The following IQSEC3 variants were observed in gnomAD, a reference collection of about 807,000 sequenced individuals.
The protein encoded by IQSEC3 is IQ motif and Sec7 domain ArfGEF 3.
In IQSEC3, 50 loss-of-function variants were observed where a neutral mutation model predicts 105.4. That is an observed-to-expected ratio of 0.47 (90% CI 0.38 to 0.60). IQSEC3 has a LOEUF of 0.60. IQSEC3 is among the 20% of genes least tolerant of loss of function. IQSEC3 has a pLI of 0.00. For synonymous variants in IQSEC3, 708 were observed against 746.0 expected, an observed-to-expected ratio of 0.95 and a Z score of 0.83; for missense variants, 1,415 against 1,630.0, an observed-to-expected ratio of 0.87 and a Z score of 2.27.
intron 1 of IQSEC3, among the ~76,000 whole-genome samples, chr12:71,483 A>C (rs531678687): frequency 5.4e-3 from 826 of 152,230 alleles, no homozygotes; most frequent in Middle Eastern, 0.01. Context: ...GCACAAGGTA[A>C]AAAGGGTGAG....
In IQSEC3 at chr12:87,926, G is replaced by T. The variant is rs12230910; in HGVS notation, c.555-11220G>T. Among the ~76,000 whole-genome samples the T allele has an allele frequency of 6.7e-4, 102 of 152,266 alleles. No individual in the cohort carries two copies. In the East Asian group the frequency reaches 0.015, roughly 22 times the overall value. ...TACAGTCCTTTAAAAAAGTTCTGTT[G>T]TATACGTGCGGTTAGGTAGGATTCC... On this transcript the variant is annotated intron_variant, in intron 1 of 13. Coordinates refer to ENST00000538872, the MANE Select transcript of IQSEC3 (RefSeq NM_001170738.2).
intron 11 of IQSEC3, chr12:166,382 CT>C (rs1370246880): frequency 2.6e-5 from 4 of 156,300 alleles, no homozygotes; most frequent in Non-Finnish European, 5.6e-5. Context: ...AGAGTCTAGG[CT>C]GCCTTCTTAC....
At position 104,195 on chromosome 12, in the gene IQSEC3, A is replaced by G. The variant is rs79648904; in HGVS notation, c.623+4981A>G. Among the ~76,000 whole-genome samples the G allele has an allele frequency of 4.3e-3, 651 of 152,294 alleles. 4 individuals carry two copies. Among genetic ancestry groups the G allele is most frequent in the East Asian group, 0.03 (156 of 5,188 alleles). On this transcript the variant is annotated intron_variant, in intron 2 of 13. Coordinates refer to ENST00000538872, the MANE Select transcript of IQSEC3 (RefSeq NM_001170738.2). Reference sequence around the variant, plus strand: ...ATTCCCATTTACAGATAAGGAATCCAGGATGGAGAGAAGTTAGGTATCTTG... The same window carrying G: ...ATTCCCATTTACAGATAAGGAATCCGGGATGGAGAGAAGTTAGGTATCTTG...
At chr12:99,278 G>A (rs937051774) in intron 2 of IQSEC3, 64 bp downstream of exon 2, 44 of 1,453,182 alleles carry the variant, frequency 3.0e-5, no homozygotes, top group Middle Eastern at 1.7e-4. Context: ...AACAAAGCAC[G>A]TACCACTGCA....
At chr12:124,349 A>G (rs1316015360) in intron 2 of IQSEC3, among the ~76,000 whole-genome samples, 1 of 144,560 alleles carries the variant, frequency 6.9e-6, no homozygotes, top group Non-Finnish European at 1.5e-5. Context: ...AGATCTCACC[A>G]TTGCACTCCA....
chr12:147,600 A>G (rs1866330723), intron 5 of IQSEC3, among the ~76,000 whole-genome samples: 1 of 152,096 alleles, frequency 6.6e-6, no homozygotes, highest in African/African-American at 2.4e-5. Flanking sequence ...TCAGTCCCCC[A>G]TCATGAATCA....
chr12:69,694 A>G (rs1555066990), intron 1 of IQSEC3, among the ~76,000 whole-genome samples: 1 of 152,270 alleles, frequency 6.6e-6, no homozygotes, highest in Non-Finnish European at 1.5e-5. Flanking sequence ...AAAACATGGT[A>G]ATCTTGGCTG....
At chr12:154,473 G>A (rs921648520) in intron 5 of IQSEC3, among the ~76,000 whole-genome samples, 7 of 152,102 alleles carry the variant, frequency 4.6e-5, no homozygotes, top group African/African-American at 9.7e-5. Flanking sequence ...GGACCTCAGC[G>A]TTCAGAAACA....
At chr12:70,567 G>A (rs1863274216) in intron 1 of IQSEC3, among the ~76,000 whole-genome samples, 1 of 152,244 alleles carries the variant, frequency 6.6e-6, no homozygotes, top group Non-Finnish European at 1.5e-5. Flanking sequence ...TTTCAATCAA[G>A]GCTCACGGCA....
intron 1 of IQSEC3, among the ~76,000 whole-genome samples, chr12:73,049 T>A (rs2093685): frequency 5.9e-5 from 8 of 135,670 alleles, no homozygotes; most frequent in African/African-American, 1.2e-4. Flanking sequence ...CTGCCTAAAA[T>A]ATAAATAAAT....
intron 13 of IQSEC3, among the ~76,000 whole-genome samples, chr12:173,106 G>C (rs1182068231): frequency 6.6e-6 from 1 of 152,204 alleles, no homozygotes; most frequent in Non-Finnish European, 1.5e-5. Flanking sequence ...ATACAAGCAG[G>C]AGGGGAGAGG....
chr12:74,491 C>A (rs1863442056), intron 1 of IQSEC3, among the ~76,000 whole-genome samples: 2 of 152,386 alleles, frequency 1.3e-5, no homozygotes, highest in Admixed American at 1.3e-4. Context: ...GGAGGGCAGA[C>A]TGTTTTGCTG....
In IQSEC3 at chr12:67,049, A is replaced by G. The variant is rs1274401682; in HGVS notation, c.167A>G (p.His56Arg). 6.5e-7 allele frequency: 1 copy of G among 1,531,690 alleles called. No individual in the cohort carries two copies. Among genetic ancestry groups the G allele is most frequent in the Admixed American group, 2.0e-5 (1 of 50,858 alleles). 94.9% of individuals were successfully genotyped at this position (1,531,690 alleles called of 1,614,324 possible). A position where few individuals can be genotyped will look rare whatever the true frequency, so the allele number is the denominator to read the frequency against. Residue 56 changes from histidine (H) to arginine (R), a missense_variant, in exon 1 of 14, where the codon CAC (histidine) becomes CGC (arginine). Around this residue, in one of 6 missense-constraint regions of IQSEC3, gnomAD observed 34 missense variants for 80.3 expected, o/e 0.42. Coordinates refer to ENST00000538872, the MANE Select transcript of IQSEC3 (RefSeq NM_001170738.2). ...LSAENRSLWE[H>R]QQLLQAQPPP... ...GCTGAGAACCGCAGCCTGTGGGAGC[A>G]CCAGCAGCTGCTGCAAGCCCAGCCT...
Position 140,058 on chromosome 12 carries a change from C to T in IQSEC3, c.1991+704C>T, listed in dbSNP as rs191186900. 5.9e-5 allele frequency among the ~76,000 whole-genome samples: 9 copies of T among 152,286 alleles called. No homozygotes were observed. The East Asian group carries it at 1.7e-3, about 29-fold the overall frequency. On this transcript the variant is annotated intron_variant, in intron 4 of 13. Transcript: ENST00000538872. The stretch of plus-strand genomic sequence containing the variant: ...GAGGCAGGCACTCGCCTCCATCCTC[C>T]ACTCGCCCCTTCATAACCCTGCGCC...
intron 1 of IQSEC3, among the ~76,000 whole-genome samples, chr12:75,348 T>G (rs1863475664): frequency 6.6e-6 from 1 of 152,186 alleles, no homozygotes; most frequent in African/African-American, 2.4e-5. Context: ...TGCAGAGAAT[T>G]GGAATTGCCT....
intron 2 of IQSEC3, among the ~76,000 whole-genome samples, chr12:120,239 G>A (rs980438644): frequency 3.9e-5 from 6 of 152,312 alleles, no homozygotes; most frequent in African/African-American, 1.2e-4. Context: ...GGAAGTGAGC[G>A]ATTCCTGAAA....
intron 1 of IQSEC3, among the ~76,000 whole-genome samples, chr12:72,125 C>T (rs1189901604): frequency 6.6e-6 from 1 of 152,288 alleles, no homozygotes; most frequent in Non-Finnish European, 1.5e-5. Flanking sequence ...CTCCCAATCT[C>T]TCCCCAGACC....
In IQSEC3 at chr12:67,428, G is replaced by A; in HGVS notation, c.546G>A (p.Arg182=). The change falls in exon 1 of 14, where the codon AGG becomes AGA. Residue 182 remains arginine, a synonymous_variant. Transcript: ENST00000538872. ...CCCTCGGCAAGGGCGTCCTGAGCAGGAGACCTGAGTGAGCGGGGAGAGGAG... is the reference window on the plus strand; with the variant it reads ...CCCTCGGCAAGGGCGTCCTGAGCAGAAGACCTGAGTGAGCGGGGAGAGGAG... The part of the protein sequence containing the change: ...PSALGKGVLS[R]RPENETVLHQ... 1 of 1,598,038 alleles carries A rather than the reference G, an allele frequency of 6.3e-7. No individual in the cohort carries two copies. Among genetic ancestry groups the A allele is most frequent in the Non-Finnish European group, 8.5e-7 (1 of 1,179,636 alleles).
chr12:163,633 G>A lies in IQSEC3; in HGVS notation c.2709+14G>A, dbSNP rs1555097222. The A allele has an allele frequency of 9.4e-6, 13 of 1,376,838 alleles. No homozygotes were observed. The highest frequency in any genetic ancestry group is 2.3e-5 in the East Asian group (1 of 43,668). The allele number at this position is 1,376,838 out of a possible 1,614,324, so 85.3% of individuals were successfully genotyped here. A position where few individuals can be genotyped will look rare whatever the true frequency, so the allele number is the denominator to read the frequency against. On this transcript the variant is annotated intron_variant, in intron 9 of 13. Transcript: ENST00000538872. ...GACCTGCTGGTGGTGAGTGGCCTCC[G>A]CTCCGGGACTGGGCTGGGCTGGGGC...
Sources: gnomAD v4.1 joint callset for allele counts (sites outside exome capture counted in the v4.1 genomes callset) on GRCh38, gnomAD v4.1.1 for gene constraint, gnomAD v4.1.1 regional missense constraint, MANE v1.5 for transcripts, NCBI Gene and HGNC (gene_info 2026-07-23, HGNC 2026-07-21) for gene names.